Variants in GLRA3 observed in about 807,000 individuals in gnomAD.
GLRA3 encodes the protein glycine receptor alpha 3.
Under a neutral mutation model 60.4 loss-of-function variants are expected in GLRA3, and 44 were observed. That is an observed-to-expected ratio of 0.73 (90% CI 0.57 to 0.94). GLRA3 has a LOEUF of 0.94. Ranked by LOEUF, GLRA3 falls within the 40% of genes least tolerant of loss-of-function variation. The probability of loss-of-function intolerance (pLI) is 0.00; values close to 1 mark genes in which losing one functional copy is unlikely to be tolerated. For missense variants in GLRA3, 508 were observed against 564.6 expected, an observed-to-expected ratio of 0.90 and a Z score of 1.02; for synonymous variants, 223 against 192.9, an observed-to-expected ratio of 1.16 and a Z score of -1.29.
chr4:174,740,844 A>G (rs1736993617), intron 3 of GLRA3, among the ~76,000 whole-genome samples: 1 of 152,196 alleles, frequency 6.6e-6, no homozygotes, highest in Admixed American at 6.5e-5. Context: ...AATGTTGTAT[A>G]AATGGAATCA....
At chr4:174,766,527 T>C (rs1002503859) in intron 3 of GLRA3, among the ~76,000 whole-genome samples, 1 of 152,106 alleles carries the variant, frequency 6.6e-6, no homozygotes, top group Non-Finnish European at 1.5e-5. Flanking sequence ...AATCTATAAG[T>C]ATAATGTTTT....
At chr4:174,823,184 A>G (rs923366941) in intron 1 of GLRA3, among the ~76,000 whole-genome samples, 2 of 152,172 alleles carry the variant, frequency 1.3e-5, no homozygotes, top group Admixed American at 6.6e-5. Flanking sequence ...CATTTCCCCA[A>G]GCAAAATAAA....
At chr4:174,813,913 C>T (rs778577469) in intron 1 of GLRA3, among the ~76,000 whole-genome samples, 1 of 152,154 alleles carries the variant, frequency 6.6e-6, no homozygotes. Context: ...TGGCGGGACT[C>T]ACAAAGGGGT....
rs116473080 is a variant in GLRA3, at chr4:174,776,894, A to C, written c.200-9864T>G. On this transcript the variant is annotated intron_variant, in intron 2 of 9. Transcript: ENST00000274093. ...AGATAAAGAGGATTGTGAAGAGACCAAAACACAATTACAGAGTTAAAATCT... is the reference window on the plus strand; with the variant it reads ...AGATAAAGAGGATTGTGAAGAGACCCAAACACAATTACAGAGTTAAAATCT... 5.3e-3 allele frequency among the ~76,000 whole-genome samples: 802 copies of C among 152,312 alleles called. 5 individuals carry two copies. Among genetic ancestry groups the C allele is most frequent in the African/African-American group, 0.018 (760 of 41,566 alleles).
chr4:174,796,227 A>G (rs982434040), intron 1 of GLRA3, among the ~76,000 whole-genome samples: 36 of 152,246 alleles, frequency 2.4e-4, no homozygotes, highest in African/African-American at 4.3e-4. Flanking sequence ...AGAGTGGTCA[A>G]TGTACCAGGA....
At chr4:174,793,033 A>G (rs936728744) in intron 1 of GLRA3, among the ~76,000 whole-genome samples, 1 of 152,194 alleles carries the variant, frequency 6.6e-6, no homozygotes, top group Non-Finnish European at 1.5e-5. Context: ...TTTCTTCAAT[A>G]TACAACTTCA....
intron 1 of GLRA3, among the ~76,000 whole-genome samples, chr4:174,827,362 A>G (rs1560823765): frequency 6.6e-6 from 1 of 151,714 alleles, no homozygotes; most frequent in African/African-American, 2.4e-5. Flanking sequence ...TTAGCTTCCT[A>G]AATCTAAGTA....
chr4:174,654,691 T>C (rs1432643510), intron 9 of GLRA3, among the ~76,000 whole-genome samples: 6 of 152,124 alleles, frequency 3.9e-5, no homozygotes, highest in African/African-American at 1.4e-4. Flanking sequence ...TGTTCGGAAA[T>C]ACCTTGGCAT....
At chr4:174,718,578 A>T (rs902826702) in intron 4 of GLRA3, among the ~76,000 whole-genome samples, 1 of 152,244 alleles carries the variant, frequency 6.6e-6, no homozygotes, top group African/African-American at 2.4e-5. Context: ...CACTAGTTGA[A>T]TTAAAAAATG....
chr4:174,818,195 T>C (rs964883827), intron 1 of GLRA3, among the ~76,000 whole-genome samples: 2 of 152,166 alleles, frequency 1.3e-5, no homozygotes, highest in African/African-American at 2.4e-5. Flanking sequence ...GGAGAGGCAA[T>C]AGAATTCAAG....
At chr4:174,665,597 G>T (rs1354036228) in intron 7 of GLRA3, among the ~76,000 whole-genome samples, 1 of 152,152 alleles carries the variant, frequency 6.6e-6, no homozygotes, top group Non-Finnish European at 1.5e-5. Context: ...ATTTGAAGAT[G>T]AGATGTCTAT....
At chr4:174,652,694 A>G (rs1425247599) in intron 9 of GLRA3, among the ~76,000 whole-genome samples, 2 of 152,120 alleles carry the variant, frequency 1.3e-5, no homozygotes, top group Non-Finnish European at 2.9e-5. Flanking sequence ...AATGCAAGTT[A>G]TAGCTAGAAA....
At chr4:174,720,166 A>C (rs1736079037) in intron 4 of GLRA3, among the ~76,000 whole-genome samples, 1 of 152,166 alleles carries the variant, frequency 6.6e-6, no homozygotes. Flanking sequence ...TAATATTAGT[A>C]AAGTAAGAAA....
At chr4:174,695,481 C>T (rs1315458259) in intron 5 of GLRA3, among the ~76,000 whole-genome samples, 2 of 151,986 alleles carry the variant, frequency 1.3e-5, no homozygotes, top group Non-Finnish European at 2.9e-5. Flanking sequence ...GAACAAAAGA[C>T]AAAAATCACA....
chr4:174,814,398 C>A (rs760273372), intron 1 of GLRA3, among the ~76,000 whole-genome samples: 1 of 152,258 alleles, frequency 6.6e-6, no homozygotes, highest in African/African-American at 2.4e-5. Flanking sequence ...GTTCCACTGT[C>A]CAAGCAGTCC....
intron 6 of GLRA3, 69 bp from the exon 7 acceptor site, chr4:174,677,361 A>G: frequency 1.1e-6 from 1 of 901,492 alleles, no homozygotes. Flanking sequence ...AAATATCACA[A>G]TTTCTCTTTT....
intron 5 of GLRA3, among the ~76,000 whole-genome samples, chr4:174,690,603 C>A (rs1734757759): frequency 6.6e-6 from 1 of 152,128 alleles, no homozygotes; most frequent in Admixed American, 6.6e-5. Context: ...TATTTCATCA[C>A]CTAGGTATTA....
At chr4:174,767,094 C>T in intron 2 of GLRA3, 64 bp from the exon 3 acceptor site, 1 of 796,254 alleles carries the variant, frequency 1.3e-6, no homozygotes, top group East Asian at 2.5e-5. Flanking sequence ...TCAAATAATT[C>T]CTTGCATTCC....
At chr4:174,786,659 T>TATA (rs1482788943) in intron 2 of GLRA3, among the ~76,000 whole-genome samples, 2 of 152,208 alleles carry the variant, frequency 1.3e-5, no homozygotes, top group Non-Finnish European at 2.9e-5. Context: ...GGAGTAGAGT[T>TATA]ATAAGTATGT....
Sources: allele counts gnomAD v4.1 joint callset (sites outside exome capture counted in the v4.1 genomes callset), GRCh38; gene constraint gnomAD v4.1.1; transcripts MANE v1.5; gene names NCBI Gene and HGNC (gene_info 2026-07-23, HGNC 2026-07-21).